Variants in ADCK1 observed in about 807,000 individuals in gnomAD.
ADCK1 encodes the protein aarF domain containing kinase 1.
Under a neutral mutation model 52.3 loss-of-function variants are expected in ADCK1, and 41 were observed. The observed-to-expected ratio is 0.78, with a 90% CI of 0.61 to 1.02. The LOEUF (loss-of-function observed/expected upper bound fraction) is 1.02. Among genes scored for constraint, ADCK1 ranks in the 50% least tolerant of loss-of-function variants. ADCK1 has a pLI of 0.00. For missense variants in ADCK1, 658 were observed against 679.5 expected (o/e 0.97, Z 0.35); for synonymous variants, 250 against 274.6 (o/e 0.91, Z 0.89).
intron 7 of ADCK1, among the ~76,000 whole-genome samples, chr14:77,912,327 G>A (rs2083810787): frequency 6.6e-6 from 1 of 152,138 alleles, no homozygotes; most frequent in Admixed American, 6.5e-5. Context: ...CTTACCATCA[G>A]TAGTGTTGGG....
chr14:77,831,052 G>T (rs1034210348), intron 3 of ADCK1, among the ~76,000 whole-genome samples: 4 of 152,178 alleles, frequency 2.6e-5, no homozygotes, highest in African/African-American at 9.7e-5. Context: ...TATAGTTTGG[G>T]GTCTGGAGGA....
intron 4 of ADCK1, among the ~76,000 whole-genome samples, chr14:77,883,875 G>A (rs2140198732): frequency 6.6e-6 from 1 of 152,254 alleles, no homozygotes; most frequent in African/African-American, 2.4e-5. Flanking sequence ...GGTATCTTGG[G>A]GCCCCCTTGA....
chr14:77,855,640 G>A (rs1215255405), intron 3 of ADCK1, among the ~76,000 whole-genome samples: 1 of 152,126 alleles, frequency 6.6e-6, no homozygotes, highest in South Asian at 2.1e-4. Flanking sequence ...GAGACCTTGC[G>A]GACAGTGTGG....
chr14:77,805,889 T>A (rs1594841546), intron 1 of ADCK1, among the ~76,000 whole-genome samples: 1 of 151,862 alleles, frequency 6.6e-6, no homozygotes, highest in East Asian at 1.9e-4. Context: ...ACAAATCTTG[T>A]GACCTCTGAT....
chr14:77,876,808 G>C (rs1418224270), intron 4 of ADCK1, among the ~76,000 whole-genome samples: 1 of 152,216 alleles, frequency 6.6e-6, no homozygotes, highest in East Asian at 1.9e-4. Context: ...CGTCTCCCCA[G>C]TAGATCCATG....
chr14:77,859,322 T>G (rs1367893591), intron 4 of ADCK1, 43 bp downstream of exon 4: 1 of 1,579,612 alleles, frequency 6.3e-7, no homozygotes, highest in Non-Finnish European at 8.6e-7. Flanking sequence ...TTGGGATGCT[T>G]CAGAAAAGGC....
At chr14:77,908,585 G>A (rs993864908) in intron 7 of ADCK1, among the ~76,000 whole-genome samples, 1 of 152,182 alleles carries the variant, frequency 6.6e-6, no homozygotes, top group African/African-American at 2.4e-5. Context: ...GCGTGCAGTG[G>A]CACAATCATA....
intron 3 of ADCK1, among the ~76,000 whole-genome samples, chr14:77,849,866 G>T (rs1267302060): frequency 6.6e-6 from 1 of 152,108 alleles, no homozygotes; most frequent in Non-Finnish European, 1.5e-5. Context: ...TAAATTTACT[G>T]AGATCTGCTT....
chr14:77,876,488 C>A (rs144408519), intron 4 of ADCK1, among the ~76,000 whole-genome samples: 2 of 152,284 alleles, frequency 1.3e-5, no homozygotes, highest in Non-Finnish European at 2.9e-5. Context: ...TATCTTTTGC[C>A]ATATAAGGTG....
chr14:77,868,515 C>G (rs1357857193), intron 4 of ADCK1, among the ~76,000 whole-genome samples: 1 of 152,156 alleles, frequency 6.6e-6, no homozygotes, highest in Non-Finnish European at 1.5e-5. Flanking sequence ...TTCTTTTTGT[C>G]CTTCTTCCAG....
At position 77,899,105 on chromosome 14, in the gene ADCK1, C is replaced by T. The variant is rs561183688; in HGVS notation, c.588C>T (p.Leu196=). The change falls in exon 6 of 11, where the codon CTC becomes CTT. Residue 196 remains leucine, a synonymous_variant. Coordinates refer to ENST00000238561, the MANE Select transcript of ADCK1 (RefSeq NM_020421.4). The part of the protein sequence containing the change: ...SSKDILLMEV[L]VLAVKQLFPE... The stretch of plus-strand genomic sequence containing the variant: ...GGGTGCTTGTTGGATTTCAGGTGCT[C>T]GTTCTGGCTGTGAAGCAGCTGTTCC... 61 of 1,613,432 alleles carry T rather than the reference C, an allele frequency of 3.8e-5. No homozygotes were observed. The Admixed American group carries it at 6.5e-4, about 17-fold the overall frequency.
intron 3 of ADCK1, among the ~76,000 whole-genome samples, chr14:77,827,628 A>T (rs2081744432): frequency 6.6e-6 from 1 of 151,682 alleles, no homozygotes; most frequent in South Asian, 2.1e-4. Flanking sequence ...TTTAAGCATA[A>T]ATGGAGTTTT....
intron 4 of ADCK1, among the ~76,000 whole-genome samples, chr14:77,867,824 C>T (rs1026712207): frequency 6.6e-6 from 1 of 152,220 alleles, no homozygotes; most frequent in African/African-American, 2.4e-5. Flanking sequence ...TGTGATTTTG[C>T]TGAGCCTTGG....
intron 3 of ADCK1, among the ~76,000 whole-genome samples, chr14:77,836,042 A>G (rs2081952898): frequency 6.6e-6 from 1 of 152,206 alleles, no homozygotes; most frequent in South Asian, 2.1e-4. Context: ...AGGACCTTCA[A>G]GAGATAATTA....
chr14:77,921,987 C>T (rs1034326612), intron 7 of ADCK1, among the ~76,000 whole-genome samples: 2 of 152,230 alleles, frequency 1.3e-5, no homozygotes, highest in East Asian at 3.8e-4. Context: ...ATTCTGTCAG[C>T]TCAGTCTGGC....
Position 77,809,597 on chromosome 14 carries a change from G to A in ADCK1, c.-11-9371G>A, listed in dbSNP as rs186676879. Among the ~76,000 whole-genome samples the A allele has an allele frequency of 8.3e-3, 1,262 of 151,928 alleles. 22 individuals are homozygous for A. Among genetic ancestry groups the A allele is most frequent in the African/African-American group, 0.029 (1,210 of 41,428 alleles). On this transcript the variant is annotated intron_variant, in intron 1 of 10. Coordinates refer to ENST00000238561, the MANE Select transcript of ADCK1 (RefSeq NM_020421.4). ...TGCCTGCTGGCCTCCCAAAGTGCTG[G>A]GATTACAGGCGTGAGCCACTGTGCC...
At chr14:77,815,055 A>ATT (rs780290432) in intron 1 of ADCK1, among the ~76,000 whole-genome samples, 151 of 137,056 alleles carry the variant, frequency 1.1e-3, no homozygotes, top group African/African-American at 3.5e-3. Context: ...CGCCCAGCTA[A>ATT]TTTTTTTTTT....
At chr14:77,858,931 T>G in intron 3 of ADCK1, 145 bp from the exon 4 acceptor site, 2 of 681,792 alleles carry the variant, frequency 2.9e-6, no homozygotes, top group Non-Finnish European at 4.7e-6. Context: ...GGAAAAGGTG[T>G]GTGTGTGTGC....
chr14:77,879,818 GC>G (rs1249947652), intron 4 of ADCK1, among the ~76,000 whole-genome samples: 1 of 152,128 alleles, frequency 6.6e-6, no homozygotes, highest in Non-Finnish European at 1.5e-5. Context: ...CTGACTCTGT[GC>G]CCAGCACTCT....
Sources: gnomAD v4.1 joint callset for allele counts (sites outside exome capture counted in the v4.1 genomes callset) on GRCh38, gnomAD v4.1.1 for gene constraint, MANE v1.5 for transcripts, NCBI Gene and HGNC (gene_info 2026-07-23, HGNC 2026-07-21) for gene names.